Variants in PTGER3 observed in about 807,000 individuals in gnomAD.
The protein encoded by PTGER3 is prostaglandin E receptor 3.
PTGER3 carries 22 observed loss-of-function variants against 34.7 expected under a neutral mutation model. The ratio of observed to expected loss-of-function variants is 0.63; its 90% CI spans 0.45 to 0.91. PTGER3 has a LOEUF of 0.91. PTGER3 is among the 40% of genes least tolerant of loss of function. The pLI is 0.00. For synonymous variants in PTGER3, 241 were observed against 230.1 expected, an observed-to-expected ratio of 1.05 and a Z score of -0.43; for missense variants, 468 against 519.4, an observed-to-expected ratio of 0.90 and a Z score of 0.96.
intron 4 of PTGER3, among the ~76,000 whole-genome samples, chr1:70,916,039 A>T (rs1647168334): frequency 6.6e-6 from 1 of 152,046 alleles, no homozygotes; most frequent in African/African-American, 2.4e-5. Context: ...TCAACAAGCA[A>T]AAAACAGATA....
intron 1 of PTGER3, among the ~76,000 whole-genome samples, chr1:71,032,564 C>T (rs1659500991): frequency 6.6e-6 from 1 of 152,142 alleles, no homozygotes. Flanking sequence ...AAAGCTATGG[C>T]TTAGGCTGGT....
intron 2 of PTGER3, among the ~76,000 whole-genome samples, chr1:71,003,138 A>G (rs1656639269): frequency 6.6e-6 from 1 of 152,214 alleles, no homozygotes; most frequent in Non-Finnish European, 1.5e-5. Context: ...GTAAGATTCT[A>G]CTAATAGCTT....
downstream of PTGER3, among the ~76,000 whole-genome samples, chr1:70,950,221 AAAAC>A (rs1455007270): frequency 2.0e-5 from 3 of 152,238 alleles, no homozygotes; most frequent in African/African-American, 7.2e-5. Flanking sequence ...AACCAAGAGG[AAAAC>A]AAAGTTAAGG....
chr1:70,997,696 A>G (rs556871931), intron 2 of PTGER3, among the ~76,000 whole-genome samples: 1 of 152,346 alleles, frequency 6.6e-6, no homozygotes, highest in East Asian at 1.9e-4. Context: ...TAGCTTTGAG[A>G]TTAGGGTCAA....
intron 4 of PTGER3, among the ~76,000 whole-genome samples, chr1:70,911,762 C>A (rs904383910): frequency 2.8e-4 from 43 of 152,064 alleles, no homozygotes; most frequent in African/African-American, 9.9e-4. Flanking sequence ...CGTGTTACAA[C>A]GTAACTCGAA....
chr1:70,918,576 A>G (rs1038619214), intron 4 of PTGER3, among the ~76,000 whole-genome samples: 4 of 152,060 alleles, frequency 2.6e-5, no homozygotes, highest in African/African-American at 4.8e-5. Flanking sequence ...CTTGAGTCAC[A>G]GAAAATAGGG....
downstream of PTGER3, among the ~76,000 whole-genome samples, chr1:70,949,971 T>C (rs1650591792): frequency 7.9e-6 from 1 of 126,264 alleles, no homozygotes; most frequent in Non-Finnish European, 1.7e-5. Context: ...GTTCAGTTAA[T>C]GTGGGACATA....
chr1:71,039,524 C>T (rs891250681), intron 1 of PTGER3, among the ~76,000 whole-genome samples: 1 of 151,452 alleles, frequency 6.6e-6, no homozygotes, highest in Non-Finnish European at 1.5e-5. Flanking sequence ...GTGGTGGGCG[C>T]CTGTAGTCCC....
At chr1:70,934,619 G>A (rs1649030299) in intron 4 of PTGER3, among the ~76,000 whole-genome samples, 1 of 152,100 alleles carries the variant, frequency 6.6e-6, no homozygotes, top group East Asian at 1.9e-4. Context: ...ATATGCTCAT[G>A]GATCAACTGT....
chr1:71,023,225 C>T (rs1308487527), intron 1 of PTGER3, among the ~76,000 whole-genome samples: 4 of 151,906 alleles, frequency 2.6e-5, no homozygotes, highest in Non-Finnish European at 4.4e-5. Context: ...GCAGAATCAA[C>T]GCCACAGTCT....
chr1:71,032,061 G>A (rs374545155), intron 1 of PTGER3, among the ~76,000 whole-genome samples: 2 of 152,166 alleles, frequency 1.3e-5, no homozygotes, highest in Middle Eastern at 3.2e-3. Context: ...CATGTTGGCC[G>A]TTAGCACAGC....
downstream of PTGER3, among the ~76,000 whole-genome samples, chr1:70,949,838 A>G (rs1054155746): frequency 2.0e-5 from 3 of 152,154 alleles, no homozygotes; most frequent in Non-Finnish European, 4.4e-5. Context: ...TGGTAATTTA[A>G]TGTAAGGCAG....
chr1:70,931,295 G>A (rs907096963), intron 4 of PTGER3, among the ~76,000 whole-genome samples: 8 of 152,182 alleles, frequency 5.3e-5, no homozygotes, highest in African/African-American at 1.9e-4. Context: ...TGCTGTCACA[G>A]GCTGGCATTG....
chr1:71,045,503 G>A (rs777388269), intron 1 of PTGER3, among the ~76,000 whole-genome samples: 1 of 152,114 alleles, frequency 6.6e-6, no homozygotes, highest in Non-Finnish European at 1.5e-5. Context: ...ACACCCCAGG[G>A]CCTAAGTAAG....
chr1:70,857,679 G>C (rs902228467), intron 4 of PTGER3, among the ~76,000 whole-genome samples: 1 of 151,926 alleles, frequency 6.6e-6, no homozygotes, highest in Non-Finnish European at 1.5e-5. Flanking sequence ...GGGACTACAG[G>C]CACCGCCACC....
chr1:70,976,549 T>A (rs1163872071), intron 2 of PTGER3, among the ~76,000 whole-genome samples: 1 of 152,158 alleles, frequency 6.6e-6, no homozygotes, highest in African/African-American at 2.4e-5. Flanking sequence ...ATATATGATT[T>A]GATCTACTAA....
At chr1:71,011,427 T>G (rs1657434929) in intron 2 of PTGER3, 2 of 985,200 alleles carry the variant, frequency 2.0e-6, no homozygotes, top group Non-Finnish European at 1.2e-6. Flanking sequence ...TACCTATAGT[T>G]AGTGCTCAAA....
chr1:70,930,425 C>G (rs1348663535), intron 4 of PTGER3, among the ~76,000 whole-genome samples: 1 of 152,326 alleles, frequency 6.6e-6, no homozygotes, highest in Middle Eastern at 3.4e-3. Flanking sequence ...CCAGGTCTCA[C>G]TCTCCATCTC....
At chr1:70,888,127 G>T (rs151231066) in intron 4 of PTGER3, among the ~76,000 whole-genome samples, 287 of 152,256 alleles carry the variant, frequency 1.9e-3, no homozygotes, top group African/African-American at 4.0e-3. Flanking sequence ...GAGTTTCCAG[G>T]AGCAGAGAAC....
Sources: gnomAD v4.1 joint callset for allele counts (sites outside exome capture counted in the v4.1 genomes callset) on GRCh38, gnomAD v4.1.1 for gene constraint, MANE v1.5 for transcripts, NCBI Gene and HGNC (gene_info 2026-07-23, HGNC 2026-07-21) for gene names.